SSH2: variants seen among roughly 807,000 people sequenced by gnomAD.
SSH2 encodes the protein slingshot protein phosphatase 2, also known as protein phosphatase Slingshot homolog 2.
In SSH2, 37 loss-of-function variants were observed where a neutral mutation model predicts 135.2. The ratio of observed to expected loss-of-function variants is 0.27; its 90% CI spans 0.21 to 0.36. SSH2 has a LOEUF of 0.36. SSH2 is among the 10% of genes least tolerant of loss of function. The probability of loss-of-function intolerance (pLI) is 1.00; values close to 1 mark genes in which losing one functional copy is unlikely to be tolerated. For missense variants in SSH2, 1,408 were observed against 1,765.3 expected, an observed-to-expected ratio of 0.80 and a Z score of 3.63; for synonymous variants, 628 against 646.2, an observed-to-expected ratio of 0.97 and a Z score of 0.43.
At chr17:29,834,036 T>C (rs942317206) in intron 2 of SSH2, among the ~76,000 whole-genome samples, 2 of 151,378 alleles carry the variant, frequency 1.3e-5, no homozygotes, top group Non-Finnish European at 2.9e-5. Context: ...GTATCTATTG[T>C]AGGTTTTTTG....
intron 3 of SSH2, among the ~76,000 whole-genome samples, chr17:29,731,658 G>T (rs990486774): frequency 6.6e-6 from 1 of 152,042 alleles, no homozygotes; most frequent in African/African-American, 2.4e-5. Flanking sequence ...GTTTCACCAT[G>T]TTGGCCAGGA....
intron 3 of SSH2, among the ~76,000 whole-genome samples, chr17:29,779,810 CAA>C (rs56789691): frequency 2.2e-3 from 43 of 19,598 alleles, no homozygotes; most frequent in African/African-American, 7.2e-3. Context: ...GACTCTGTCT[CAA>C]AAAAAAAAAA....
chr17:29,708,724 T>C (rs2039313984), intron 3 of SSH2, among the ~76,000 whole-genome samples: 1 of 151,780 alleles, frequency 6.6e-6, no homozygotes, highest in Non-Finnish European at 1.5e-5. Flanking sequence ...TATGAAGTCA[T>C]TTGTATGTGA....
At chr17:29,736,991 C>T (rs1476474758) in intron 3 of SSH2, among the ~76,000 whole-genome samples, 2 of 145,146 alleles carry the variant, frequency 1.4e-5, no homozygotes, top group Admixed American at 7.1e-5. Context: ...CCCAGCTACT[C>T]GGGAGGCTGA....
chr17:29,653,707 C>A (rs180725333), intron 12 of SSH2, among the ~76,000 whole-genome samples: 1 of 152,240 alleles, frequency 6.6e-6, no homozygotes, highest in East Asian at 1.9e-4. Context: ...CTGCCTCAGC[C>A]ACCTGAGTAG....
intron 3 of SSH2, among the ~76,000 whole-genome samples, chr17:29,736,786 CAAAAAA>C (rs1194959594): frequency 2.9e-4 from 3 of 10,206 alleles, no homozygotes; most frequent in African/African-American, 4.6e-4. Flanking sequence ...GACTCTGTCT[CAAAAAA>C]AAAAAAAAAA....
intron 1 of SSH2, among the ~76,000 whole-genome samples, chr17:29,858,357 T>G (rs1261910299): frequency 1.3e-5 from 2 of 152,226 alleles, no homozygotes; most frequent in Admixed American, 1.3e-4. Context: ...AGACCTGTGT[T>G]CCTTCTGCAG....
chr17:29,754,487 T>G (rs1272023166), intron 3 of SSH2, among the ~76,000 whole-genome samples: 1 of 152,140 alleles, frequency 6.6e-6, no homozygotes, highest in East Asian at 1.9e-4. Flanking sequence ...AAAGCACTCA[T>G]GTGCTTCTAG....
rs1358038629 is a variant in SSH2 at position 29,797,168 on chromosome 17, AAATCT to A, written c.145-3236_145-3232del. ...AAAATTTATATACAATGAAATATAC[AAATCT>A]TAAGTGCGCCATTTAATGAGTTTTG... On this transcript the variant is annotated intron_variant, in intron 2 of 15. Coordinates refer to ENST00000540801, the MANE Select transcript of SSH2 (RefSeq NM_001282129.2). Among the ~76,000 whole-genome samples the A allele has an allele frequency of 2.1e-4, 32 of 152,082 alleles. 1 individual carries two copies. In the South Asian group the frequency reaches 6.6e-3, roughly 32 times the overall value.
intron 4 of SSH2, among the ~76,000 whole-genome samples, chr17:29,697,252 A>T (rs2038796178): frequency 1.3e-5 from 2 of 152,170 alleles, no homozygotes; most frequent in Admixed American, 1.3e-4. Context: ...GCCCACTCAG[A>T]TCTTGCCCTT....
chr17:29,874,440 C>T (rs1397425448), intron 1 of SSH2, among the ~76,000 whole-genome samples: 1 of 152,144 alleles, frequency 6.6e-6, no homozygotes, highest in Non-Finnish European at 1.5e-5. Context: ...CCTATAACCC[C>T]GATAAGGGAG....
chr17:29,770,111 T>TG, intron 3 of SSH2, among the ~76,000 whole-genome samples: 2 of 149,090 alleles, frequency 1.3e-5, no homozygotes, highest in Admixed American at 1.3e-4. Flanking sequence ...TTTTTTTTTT[T>TG]TTTTTTTTAA....
intron 1 of SSH2, among the ~76,000 whole-genome samples, chr17:29,906,048 C>T (rs1050085888): frequency 2.0e-5 from 3 of 152,170 alleles, no homozygotes; most frequent in Admixed American, 1.3e-4. Context: ...CTACCCACTG[C>T]GGGTCTCCTC....
intron 3 of SSH2, among the ~76,000 whole-genome samples, chr17:29,745,155 T>C (rs1480203355): frequency 6.6e-6 from 1 of 151,982 alleles, no homozygotes; most frequent in Non-Finnish European, 1.5e-5. Flanking sequence ...TAATTTTCTT[T>C]TCGTTTTTCT....
chr17:29,761,119 C>G (rs1217919676), intron 3 of SSH2: 7 of 1,287,260 alleles, frequency 5.4e-6, no homozygotes, highest in Admixed American at 2.3e-5. Flanking sequence ...TCTGAGCGTT[C>G]GCGGAGGCGG....
At position 29,650,806 on chromosome 17, in the gene SSH2, A is replaced by T; in HGVS notation, c.1080-6T>A. 1 of 1,597,484 alleles carries T rather than the reference A, an allele frequency of 6.3e-7. No individual in the cohort carries two copies. The highest frequency in any genetic ancestry group is 1.1e-5 in the South Asian group (1 of 89,018). On this transcript the variant is annotated splice_region_variant and splice_polypyrimidine_tract_variant and intron_variant, in intron 12 of 15. Transcript: ENST00000540801. ...CATTCAAGATATACCGTACCCTGCA[A>T]GGAAACCAAGGGAGAATATGTGCTC...
chr17:29,874,504 A>T (rs1016308212), intron 1 of SSH2, among the ~76,000 whole-genome samples: 4 of 152,150 alleles, frequency 2.6e-5, no homozygotes, highest in African/African-American at 9.7e-5. Context: ...TGCTGTTCTC[A>T]TGATAGTGAG....
rs560918130 is a variant in SSH2 at position 29,814,692 on chromosome 17, C to T, written c.145-20755G>A. ...GAAGTTGAGTAAATTAAAAAACTGCCACGTAATAGAACTTTATTAAGCCAT... is the reference window on the plus strand; with the variant it reads ...GAAGTTGAGTAAATTAAAAAACTGCTACGTAATAGAACTTTATTAAGCCAT... On this transcript the variant is annotated intron_variant, in intron 2 of 15. Coordinates refer to ENST00000540801, the MANE Select transcript of SSH2 (RefSeq NM_001282129.2). 2.6e-5 allele frequency among the ~76,000 whole-genome samples: 4 copies of T among 151,852 alleles called. No homozygotes were observed. The South Asian group carries it at 8.3e-4, about 32-fold the overall frequency.
In SSH2 at chr17:29,917,566, G is replaced by A. The variant is rs192039294; in HGVS notation, c.63+12372C>T. On this transcript the variant is annotated intron_variant, in intron 1 of 15. Coordinates refer to ENST00000540801, the MANE Select transcript of SSH2 (RefSeq NM_001282129.2). ...GAACTGCCTTCATATCAAGTACTAA[G>A]GCAGGAGCAGCAAAATGACACAAAT... Among the ~76,000 whole-genome samples, 95 of 152,274 alleles carry A rather than the reference G, an allele frequency of 6.2e-4. 1 individual carries two copies. Among genetic ancestry groups the A allele is most frequent in the Non-Finnish European group, 1.0e-4 (7 of 68,022 alleles).
Sources: gnomAD v4.1 joint callset for allele counts (sites outside exome capture counted in the v4.1 genomes callset) on GRCh38, gnomAD v4.1.1 for gene constraint, MANE v1.5 for transcripts, NCBI Gene and HGNC (gene_info 2026-07-23, HGNC 2026-07-21) for gene names.